Variants in CRTAP observed in about 807,000 individuals in gnomAD.
The protein encoded by CRTAP is cartilage associated protein, also known as cartilage-associated protein.
A neutral mutation model predicts 42.7 loss-of-function variants in CRTAP; 33 were observed. The ratio of observed to expected loss-of-function variants is 0.77; its 90% CI spans 0.59 to 1.03. The LOEUF is 1.03. Among genes scored for constraint, CRTAP ranks in the 50% least tolerant of loss-of-function variants. The probability of loss-of-function intolerance (pLI) is 0.00; values close to 1 mark genes in which losing one functional copy is unlikely to be tolerated. For synonymous variants in CRTAP, 243 were observed against 217.7 expected, an observed-to-expected ratio of 1.12 and a Z score of -1.02; for missense variants, 613 against 533.9, an observed-to-expected ratio of 1.15 and a Z score of -1.46.
Position 33,125,491 on chromosome 3 carries a change from G to GTTTT in CRTAP, c.793+933_793+936dup, listed in dbSNP as rs60498778. Among the ~76,000 whole-genome samples, 116 of 30,138 alleles carry GTTTT rather than the reference G, an allele frequency of 3.8e-3. 13 individuals are homozygous for GTTTT. Among genetic ancestry groups the GTTTT allele is most frequent in the East Asian group, 9.3e-3 (7 of 756 alleles). 19.8% of individuals were successfully genotyped at this position (30,138 alleles called of 152,430 possible). On this transcript the variant is annotated intron_variant, in intron 3 of 6. Transcript: ENST00000320954. ...TCATTAATCTCTTTCTACAAAGTAG[G>GTTTT]TTTTTTTTTTTTTTTTTTTTTTTTG...
At chr3:33,130,956 C>A (rs144078240) in intron 4 of CRTAP, among the ~76,000 whole-genome samples, 8 of 152,234 alleles carry the variant, frequency 5.3e-5, no homozygotes, top group Middle Eastern at 3.4e-3. Flanking sequence ...GACTTCAGAG[C>A]CTGCGTGTTT....
At chr3:33,115,392 T>G (rs1701331407) in intron 1 of CRTAP, 1 of 152,202 alleles carries the variant, frequency 6.6e-6, no homozygotes, top group South Asian at 2.1e-4. Flanking sequence ...ATCTAGAATT[T>G]AACACAGTTC....
At chr3:33,120,602 AT>A in intron 2 of CRTAP, 109 bp downstream of exon 2, 1 of 1,502,930 alleles carries the variant, frequency 6.7e-7, no homozygotes, top group Non-Finnish European at 9.0e-7. Context: ...TTTTGGTGAC[AT>A]TTGCTGAATA....
chr3:33,138,613 G>A (rs764231028), intron 6 of CRTAP, among the ~76,000 whole-genome samples: 1 of 152,134 alleles, frequency 6.6e-6, no homozygotes, highest in Non-Finnish European at 1.5e-5. Context: ...TATTGATTCT[G>A]CAAACTTGCT....
chr3:33,142,699 G>C lies in CRTAP; in HGVS notation c.*251G>C. On this transcript the variant is annotated 3_prime_UTR_variant, in exon 7 of 7. Transcript: ENST00000320954. ...AGATGGAGTCTCGCTCTCTTGCCCA[G>C]GCTGGAGTGCAATGGCACGTTCTCA... 1 of 464,044 alleles carries C rather than the reference G, an allele frequency of 2.2e-6. No individual in the cohort carries two copies. Among genetic ancestry groups the C allele is most frequent in the Non-Finnish European group, 4.0e-6 (1 of 251,744 alleles). The allele number at this position is 464,044 out of a possible 1,614,324, so 28.7% of individuals were successfully genotyped here. A position where few individuals can be genotyped will look rare whatever the true frequency, so the allele number is the denominator to read the frequency against.
chr3:33,123,257 T>C (rs1330883762), intron 2 of CRTAP, among the ~76,000 whole-genome samples: 1 of 152,138 alleles, frequency 6.6e-6, no homozygotes, highest in Non-Finnish European at 1.5e-5. Context: ...GCTGATATGG[T>C]TTGGATCTGT....
At chr3:33,137,420 C>T (rs1348802478) in intron 6 of CRTAP, among the ~76,000 whole-genome samples, 3 of 152,302 alleles carry the variant, frequency 2.0e-5, no homozygotes, top group Non-Finnish European at 2.9e-5. Flanking sequence ...GGATTACAGG[C>T]GTGAGCTACT....
rs1234822246 is a variant in CRTAP at position 33,114,246 on chromosome 3, G to A, written c.169G>A (p.Gly57Ser). The part of the protein sequence containing the change: ...AYRHALDKYS[G>S]EHWAESVGYL... ...CCGGCACGCGCTGGACAAGTACAGC[G>A]GCGAGCACTGGGCCGAGAGCGTGGG... The change falls in exon 1 of 7, where the codon GGC becomes AGC. Residue 57 changes from glycine (G) to serine (S), a missense_variant. By Grantham distance (56) the Gly-to-Ser change is moderately conservative. Transcript: ENST00000320954. 3 of 1,589,124 alleles carry A rather than the reference G, an allele frequency of 1.9e-6. No individual in the cohort carries two copies. Among genetic ancestry groups the A allele is most frequent in the African/African-American group, 1.4e-5 (1 of 74,006 alleles).
chr3:33,117,548 C>T (rs1479650043), intron 1 of CRTAP, among the ~76,000 whole-genome samples: 4 of 152,198 alleles, frequency 2.6e-5, no homozygotes, highest in Admixed American at 1.3e-4. Flanking sequence ...AAAAGTAGGC[C>T]GGAGCACTTC....
Position 33,114,528 on chromosome 3 carries a change from C to G in CRTAP, c.451C>G (p.Leu151Val), listed in dbSNP as rs202118861. The stretch of plus-strand genomic sequence containing the variant: ...CCAGCGCCGCGAGCCCTACAAGTTC[C>G]TGCAGTTCGCTTACTTCAAGGCAAG... ...DFQRREPYKF[L>V]QFAYFKANNL... is the part of the protein sequence containing the mutation. The change falls in exon 1 of 7, where the codon CTG (leucine) becomes GTG (valine). Residue 151 changes from leucine (L) to valine (V), a missense_variant. Leu to Val is a conservative substitution (Grantham distance 32). Coordinates refer to ENST00000320954, the MANE Select transcript of CRTAP (RefSeq NM_006371.5). 1.2e-3 allele frequency: 1,995 copies of G among 1,602,454 alleles called. 6 individuals carry two copies. The highest frequency in any genetic ancestry group is 1.6e-3 in the Non-Finnish European group (1,872 of 1,176,356).
At position 33,124,528 on chromosome 3, in the gene CRTAP, G is replaced by C. The variant is rs765752550; in HGVS notation, c.742G>C (p.Glu248Gln). The C allele has an allele frequency of 3.1e-6, 5 of 1,614,228 alleles. No homozygotes were observed. The South Asian group carries it at 4.4e-5, about 14-fold the overall frequency. Residue 248 changes from glutamate (E) to glutamine (Q), a missense_variant, in exon 3 of 7, where the codon GAG becomes CAG. Glu to Gln is a conservative substitution (Grantham distance 29). Transcript: ENST00000320954. ...KAFYECLAAC[E>Q]GSREIKDFKD... is the part of the protein sequence containing the mutation. ...CTTTTACGAGTGTCTCGCAGCCTGC[G>C]AGGGTTCCAGGGAGATCAAGGACTT...
chr3:33,133,468 T>A (rs1236710137), intron 5 of CRTAP, among the ~76,000 whole-genome samples: 1 of 151,594 alleles, frequency 6.6e-6, no homozygotes, highest in East Asian at 2.0e-4. Flanking sequence ...TGGGCTAGTC[T>A]CGAACTCCTG....
Position 33,114,525 on chromosome 3 carries a change from T to C in CRTAP, c.448T>C (p.Phe150Leu). Reference sequence around the variant, plus strand: ...CTTCCAGCGCCGCGAGCCCTACAAGTTCCTGCAGTTCGCTTACTTCAAGGC... The same window carrying C: ...CTTCCAGCGCCGCGAGCCCTACAAGCTCCTGCAGTTCGCTTACTTCAAGGC... Reference protein sequence around the residue: ...ADFQRREPYKFLQFAYFKANN... With the variant: ...ADFQRREPYKLLQFAYFKANN... Residue 150 changes from phenylalanine to leucine, a missense_variant, in exon 1 of 7, where the codon TTC (phenylalanine) becomes CTC (leucine). Physicochemically the swap from Phe to Leu is conservative, Grantham distance 22. Transcript: ENST00000320954. 3 of 1,603,004 alleles carry C rather than the reference T, an allele frequency of 1.9e-6. No homozygotes were observed. The East Asian group carries it at 6.7e-5, about 36-fold the overall frequency.
intron 6 of CRTAP, among the ~76,000 whole-genome samples, chr3:33,136,564 G>A (rs933263226): frequency 1.3e-5 from 2 of 152,154 alleles, no homozygotes; most frequent in African/African-American, 2.4e-5. Context: ...GTAACATAGT[G>A]AGACTCTGTC....
In CRTAP at chr3:33,142,772, A is replaced by G; in HGVS notation, c.*324A>G. 1 of 282,474 alleles carries G rather than the reference A, an allele frequency of 3.5e-6. No homozygotes were observed. Among genetic ancestry groups the G allele is most frequent in the Non-Finnish European group, 6.9e-6 (1 of 143,972 alleles). 17.5% of individuals were successfully genotyped at this position (282,474 alleles called of 1,614,324 possible). ...TGGGTTCAAGCAATTCTGCTGCATCAGCCTCCCGAGTACCTGGGATTACAG... is the reference window on the plus strand; with the variant it reads ...TGGGTTCAAGCAATTCTGCTGCATCGGCCTCCCGAGTACCTGGGATTACAG... On this transcript the variant is annotated 3_prime_UTR_variant, in exon 7 of 7. Coordinates refer to ENST00000320954, the MANE Select transcript of CRTAP (RefSeq NM_006371.5).
Position 33,114,053 on chromosome 3 carries a change from T to C in CRTAP, c.-25T>C. Reference sequence around the variant, plus strand: ...TCCCCTTTTCCCTTCCTTCGTCCCTTCCTTCCTTCCTTTCGCCGGGCGCGA... The same window carrying C: ...TCCCCTTTTCCCTTCCTTCGTCCCTCCCTTCCTTCCTTTCGCCGGGCGCGA... On this transcript the variant is annotated 5_prime_UTR_variant, in exon 1 of 7. Coordinates refer to ENST00000320954, the MANE Select transcript of CRTAP (RefSeq NM_006371.5). 3.7e-6 allele frequency: 5 copies of C among 1,363,110 alleles called. No homozygotes were observed. The highest frequency in any genetic ancestry group is 2.8e-5 in the Admixed American group (1 of 36,162). 84.4% of individuals were successfully genotyped at this position (1,363,110 alleles called of 1,614,324 possible). A position where few individuals can be genotyped will look rare whatever the true frequency, so the allele number is the denominator to read the frequency against.
In CRTAP at chr3:33,143,096, G is replaced by A. The variant is rs929342431; in HGVS notation, c.*648G>A. The A allele has an allele frequency of 6.6e-6, 1 of 152,176 alleles. No homozygotes were observed. Among genetic ancestry groups the A allele is most frequent in the Non-Finnish European group, 1.5e-5 (1 of 68,030 alleles). The allele number at this position is 152,176 out of a possible 1,614,324, so 9.4% of individuals were successfully genotyped here. On this transcript the variant is annotated 3_prime_UTR_variant, in exon 7 of 7. Transcript: ENST00000320954. ...TTGGTTTGAAGGGCAGTCTTCTCTG[G>A]CTTGTTTTTTTGTTTTTCCCAGAAA... is the stretch of plus-strand genomic sequence containing the variant.
rs2030619935 is a variant in CRTAP at position 33,142,887 on chromosome 3, C to T, written c.*439C>T. ...CAGGCTGGTCTCGAACTCTTGACTT[C>T]AGATGATCCATCTGCCTTGGCCTCC... On this transcript the variant is annotated 3_prime_UTR_variant, in exon 7 of 7. Coordinates refer to ENST00000320954, the MANE Select transcript of CRTAP (RefSeq NM_006371.5). The T allele has an allele frequency of 2.4e-5, 5 of 206,752 alleles. No individual in the cohort carries two copies. In the South Asian group the frequency reaches 4.5e-4, roughly 19 times the overall value. The allele number at this position is 206,752 out of a possible 1,614,324, so 12.8% of individuals were successfully genotyped here.
At chr3:33,121,761 T>C (rs2125599233) in intron 2 of CRTAP, among the ~76,000 whole-genome samples, 1 of 152,298 alleles carries the variant, frequency 6.6e-6, no homozygotes, top group East Asian at 1.9e-4. Flanking sequence ...GGTCCCTGAC[T>C]CCTCAGCCTT....
Sources: gnomAD v4.1 joint callset for allele counts (sites outside exome capture counted in the v4.1 genomes callset) on GRCh38, gnomAD v4.1.1 for gene constraint, MANE v1.5 for transcripts, NCBI Gene and HGNC (gene_info 2026-07-23, HGNC 2026-07-21) for gene names.